AFF3: variants seen among roughly 807,000 people sequenced by gnomAD.
The protein encoded by AFF3 is ALF transcription elongation factor 3.
AFF3 carries 32 observed loss-of-function variants against 129.7 expected under a neutral mutation model. The observed-to-expected ratio is 0.25, with a 90% CI of 0.19 to 0.33. The LOEUF is 0.33. Among genes scored for constraint, AFF3 ranks in the 10% least tolerant of loss-of-function variants. The pLI, the probability that AFF3 is intolerant of heterozygous loss-of-function variation, is 1.00. For missense variants in AFF3, 1,373 were observed against 1,592.0 expected (o/e 0.86, Z 2.34); for synonymous variants, 644 against 635.4 (o/e 1.01, Z -0.20).
chr2:99,751,919 T>A (rs1295944115), intron 9 of AFF3, among the ~76,000 whole-genome samples: 1 of 152,226 alleles, frequency 6.6e-6, no homozygotes, highest in Non-Finnish European at 1.5e-5. Context: ...ATTTTATACA[T>A]CACATTGAAT....
At chr2:99,614,711 C>A (rs1681248413) in intron 13 of AFF3, among the ~76,000 whole-genome samples, 1 of 152,214 alleles carries the variant, frequency 6.6e-6, no homozygotes, top group Non-Finnish European at 1.5e-5. Context: ...TACCTGACTA[C>A]TGACATTTGC....
chr2:99,848,742 G>A (rs1689919733), intron 7 of AFF3, among the ~76,000 whole-genome samples: 2 of 152,070 alleles, frequency 1.3e-5, no homozygotes, highest in Non-Finnish European at 1.5e-5. Context: ...TCTATCTAAC[G>A]CCATGACTTA....
At chr2:100,042,505 T>C (rs541844292) in intron 4 of AFF3, among the ~76,000 whole-genome samples, 43 of 152,200 alleles carry the variant, frequency 2.8e-4, no homozygotes, top group Non-Finnish European at 5.3e-4. Context: ...CACAGATGAA[T>C]GCTGTGCTAG....
At chr2:99,866,297 T>C (rs1460179744) in intron 7 of AFF3, among the ~76,000 whole-genome samples, 1 of 152,280 alleles carries the variant, frequency 6.6e-6, no homozygotes, top group South Asian at 2.1e-4. Context: ...AAATTTAAAT[T>C]GAAATGAATG....
chr2:99,752,032 G>A (rs1000571380), intron 9 of AFF3, among the ~76,000 whole-genome samples, 189 bp downstream of exon 9: 8 of 152,206 alleles, frequency 5.3e-5, no homozygotes, highest in Non-Finnish European at 1.0e-4. Flanking sequence ...AGGTAAGTAA[G>A]ATTGGAGGCT....
In AFF3 at chr2:99,550,178, G is replaced by A. The variant is rs937495293; in HGVS notation, c.*1296C>T. ...AACAAGATGTCAAAGAAACTAAAATGTAAACTTAATTAAAAAAAGAAAACA... is the reference window on the plus strand; with the variant it reads ...AACAAGATGTCAAAGAAACTAAAATATAAACTTAATTAAAAAAAGAAAACA... On this transcript the variant is annotated 3_prime_UTR_variant, in exon 25 of 25. Transcript: ENST00000672756. The A allele has an allele frequency of 3.5e-5, 8 of 229,328 alleles. No individual in the cohort carries two copies. Among genetic ancestry groups the A allele is most frequent in the African/African-American group, 1.8e-4 (8 of 45,092 alleles). 14.2% of individuals were successfully genotyped at this position (229,328 alleles called of 1,614,324 possible).
rs546508227 is a variant in AFF3, at chr2:99,593,870, C to T, written c.1791G>A (p.Gly597=). ...PTRRTERTSA[G]DGANCHRPEE... is the part of the protein sequence containing the mutation. ...CGGGCCGGTGGCAGTTGGCGCCGTC[C>T]CCGGCTGAGGTCCTCTCGGTGCGCC... is the stretch of plus-strand genomic sequence containing the variant. The change falls in exon 15 of 25, where the codon GGG becomes GGA. Residue 597 remains glycine, a synonymous_variant. Coordinates refer to ENST00000672756, the MANE Select transcript of AFF3 (RefSeq NM_001386135.1). The T allele has an allele frequency of 1.0e-5, 16 of 1,564,690 alleles. No homozygotes were observed. In the East Asian group the frequency reaches 3.5e-4, roughly 34 times the overall value.
intron 11 of AFF3, among the ~76,000 whole-genome samples, chr2:99,677,049 A>G (rs549433756): frequency 1.7e-4 from 26 of 152,294 alleles, no homozygotes; most frequent in African/African-American, 6.0e-4. Context: ...CTGGCGGATC[A>G]TTGAGCCCAA....
At position 99,845,841 on chromosome 2, in the gene AFF3, T is replaced by A. The variant is rs543763521; in HGVS notation, c.874-8317A>T. Among the ~76,000 whole-genome samples the A allele has an allele frequency of 2.4e-4, 37 of 152,256 alleles. No individual in the cohort carries two copies. The South Asian group carries it at 5.4e-3, about 22-fold the overall frequency. ...TTTTAATTAAATTAATTAATTAATTTCTTTATTTTGAGACGGAGTCTTGCT... is the reference window on the plus strand; with the variant it reads ...TTTTAATTAAATTAATTAATTAATTACTTTATTTTGAGACGGAGTCTTGCT... On this transcript the variant is annotated intron_variant, in intron 7 of 24. Transcript: ENST00000672756.
rs113788504 is a variant in AFF3, at chr2:100,006,734, G to A, written c.771C>T (p.Thr257=). The A allele has an allele frequency of 1.7e-3, 2,745 of 1,614,206 alleles. 3 individuals are homozygous for A. Among genetic ancestry groups the A allele is most frequent in the Non-Finnish European group, 2.2e-3 (2,572 of 1,180,018 alleles). ...CCCTGTATGATGTGCAGTGCACGCT[G>A]GTTTCCGAAGACGACTTCAGCTTAG... ...ESPKLKSSSE[T]SVHCTSYRGV... The change falls in exon 7 of 25, where the codon ACC becomes ACT. Residue 257 remains threonine, a synonymous_variant. Transcript: ENST00000672756.
intron 4 of AFF3, among the ~76,000 whole-genome samples, chr2:100,010,939 T>C (rs1027244973): frequency 3.3e-5 from 5 of 152,336 alleles, no homozygotes; most frequent in South Asian, 2.1e-4. Flanking sequence ...AGTTTCATTA[T>C]GCACTTCTAG....
At chr2:99,833,965 A>C (rs184068295) in intron 8 of AFF3, among the ~76,000 whole-genome samples, 32 of 152,358 alleles carry the variant, frequency 2.1e-4, no homozygotes, top group Admixed American at 2.0e-3. Context: ...ATATGTTAGA[A>C]CACAACGTAA....
chr2:99,563,772 T>TATG (rs1015939371), intron 20 of AFF3, among the ~76,000 whole-genome samples: 1 of 128,834 alleles, frequency 7.8e-6, no homozygotes, highest in Admixed American at 9.5e-5. Flanking sequence ...ATTGTGCCAT[T>TATG]GCACTCCAGC....
Position 99,743,991 on chromosome 2 carries a change from A to T in AFF3, c.1039+113T>A, listed in dbSNP as rs1003610380. The T allele has an allele frequency of 5.7e-6, 5 of 882,718 alleles. No homozygotes were observed. In the African/African-American group the frequency reaches 8.7e-5, roughly 15 times the overall value. 54.7% of individuals were successfully genotyped at this position (882,718 alleles called of 1,614,324 possible). The stretch of plus-strand genomic sequence containing the variant: ...AAATGGCCCCTTTCCCCAGTTTTTT[A>T]GTGAATTTCTTTGAAACCTACTGTC... On this transcript the variant is annotated intron_variant, in intron 10 of 24. Transcript: ENST00000672756.
Position 99,546,624 on chromosome 2 carries a change from C to A in AFF3, c.*4850G>T. On this transcript the variant is annotated 3_prime_UTR_variant, in exon 25 of 25. Coordinates refer to ENST00000672756, the MANE Select transcript of AFF3 (RefSeq NM_001386135.1). Reference sequence around the variant, plus strand: ...ATAAGGAAAAGGGTTGGAGATAAGACTAAAAATGAAGTTAACAAACTTACC... The same window carrying A: ...ATAAGGAAAAGGGTTGGAGATAAGAATAAAAATGAAGTTAACAAACTTACC... 4.3e-6 allele frequency: 1 copy of A among 232,224 alleles called. No individual in the cohort carries two copies. The highest frequency in any genetic ancestry group is 6.1e-5 in the East Asian group (1 of 16,468). 14.4% of individuals were successfully genotyped at this position (232,224 alleles called of 1,614,324 possible). A position where few individuals can be genotyped will look rare whatever the true frequency, so the allele number is the denominator to read the frequency against.
At chr2:99,557,297 T>TG (rs2104529323) in intron 22 of AFF3, among the ~76,000 whole-genome samples, 3 of 148,828 alleles carry the variant, frequency 2.0e-5, no homozygotes, top group African/African-American at 7.6e-5. Context: ...TTTTTTTTTT[T>TG]GAGACAAAGT....
rs1221468035 is a variant in AFF3, at chr2:99,877,763, G to A, written c.874-40239C>T. On this transcript the variant is annotated intron_variant, in intron 7 of 24. Coordinates refer to ENST00000672756, the MANE Select transcript of AFF3 (RefSeq NM_001386135.1). Reference sequence around the variant, plus strand: ...TATGAAGGTTGCTAAATAGAGACTAGACACTATCTAGACTCTAGGTGTTAA... The same window carrying A: ...TATGAAGGTTGCTAAATAGAGACTAAACACTATCTAGACTCTAGGTGTTAA... 2.0e-5 allele frequency among the ~76,000 whole-genome samples: 3 copies of A among 152,164 alleles called. No homozygotes were observed. The South Asian group carries it at 6.2e-4, about 32-fold the overall frequency.
chr2:100,122,953 A>C (rs1156331722), intron 2 of AFF3, among the ~76,000 whole-genome samples: 1 of 152,228 alleles, frequency 6.6e-6, no homozygotes, highest in Non-Finnish European at 1.5e-5. Flanking sequence ...TGAGTTAAAA[A>C]ACGAATGTTT....
intron 7 of AFF3, among the ~76,000 whole-genome samples, chr2:99,977,202 G>A (rs1259064580): frequency 6.6e-6 from 1 of 152,190 alleles, no homozygotes; most frequent in Non-Finnish European, 1.5e-5. Context: ...TCAGGCGTGT[G>A]AATCTATGGG....
Sources: gnomAD v4.1 joint callset for allele counts (sites outside exome capture counted in the v4.1 genomes callset) on GRCh38, gnomAD v4.1.1 for gene constraint, MANE v1.5 for transcripts, NCBI Gene and HGNC (gene_info 2026-07-23, HGNC 2026-07-21) for gene names.